The following RNF38 variants were observed in gnomAD, a reference collection of about 807,000 sequenced individuals.
RNF38 encodes E3 ubiquitin-protein ligase RNF38.
A neutral mutation model predicts 67.2 loss-of-function variants in RNF38; 15 were observed. That is an observed-to-expected ratio of 0.22 (90% confidence interval 0.15 to 0.34). RNF38 has a LOEUF of 0.34. RNF38 is among the 10% of genes least tolerant of loss of function. The pLI, the probability that RNF38 is intolerant of heterozygous loss-of-function variation, is 1.00. For synonymous variants in RNF38, 220 were observed against 218.8 expected (o/e 1.01, Z -0.05); for missense variants, 524 against 639.9 (o/e 0.82, Z 1.95).
chr9:36,446,178 A>C (rs1266745108), intron 1 of RNF38, among the ~76,000 whole-genome samples: 1 of 152,182 alleles, frequency 6.6e-6, no homozygotes, highest in Non-Finnish European at 1.5e-5. Context: ...AGCGTTAACT[A>C]TGCCAGCAGC....
At chr9:36,385,036 G>A (rs961987736) in intron 2 of RNF38, among the ~76,000 whole-genome samples, 2 of 152,088 alleles carry the variant, frequency 1.3e-5, no homozygotes, top group Admixed American at 1.3e-4. Context: ...CGAAGTTGCC[G>A]AAGAACTCAA....
Position 36,339,650 on chromosome 9 carries a change from G to T in RNF38, c.*102C>A. ...CAAAGAAAGGTCCATTGACCCTTTT[G>T]GTAAAGGGAGGGCTGGAAGCCACAC... On this transcript the variant is annotated 3_prime_UTR_variant, in exon 12 of 12. Coordinates refer to ENST00000259605, the MANE Select transcript of RNF38 (RefSeq NM_022781.5). 2.3e-6 allele frequency: 2 copies of T among 868,332 alleles called. No individual in the cohort carries two copies. The highest frequency in any genetic ancestry group is 3.8e-6 in the Non-Finnish European group (2 of 526,844). The allele number at this position is 868,332 out of a possible 1,614,324, so 53.8% of individuals were successfully genotyped here. A position where few individuals can be genotyped will look rare whatever the true frequency, so the allele number is the denominator to read the frequency against.
At chr9:36,462,340 G>A (rs116081918) in intron 1 of RNF38, among the ~76,000 whole-genome samples, 1,688 of 152,194 alleles carry the variant, frequency 0.011, 28 homozygotes, top group African/African-American at 0.038. Context: ...CTGCTCTACC[G>A]TAACAGCCTC....
chr9:36,453,470 C>T (rs983678001), intron 1 of RNF38, among the ~76,000 whole-genome samples: 2 of 151,682 alleles, frequency 1.3e-5, no homozygotes, highest in Non-Finnish European at 2.9e-5. Context: ...GCAACCTCCA[C>T]CTCCTGGGTT....
At chr9:36,480,504 T>A (rs2134449494) in intron 1 of RNF38, among the ~76,000 whole-genome samples, 1 of 151,558 alleles carries the variant, frequency 6.6e-6, no homozygotes, top group South Asian at 2.1e-4. Context: ...ATTGTCCTAC[T>A]ACCTAACTGC....
In RNF38 at chr9:36,366,841, C is replaced by T. The variant is rs770013997; in HGVS notation, c.570+2878G>A. 2.6e-5 allele frequency among the ~76,000 whole-genome samples: 4 copies of T among 152,090 alleles called. 1 individual carries two copies. Among genetic ancestry groups the T allele is most frequent in the African/African-American group, 7.2e-5 (3 of 41,390 alleles). ...TGTACCGAGTTAACTTTGTTTATTGCTCGCTGTTCTTGAAAAATTATTGGG... is the reference window on the plus strand; with the variant it reads ...TGTACCGAGTTAACTTTGTTTATTGTTCGCTGTTCTTGAAAAATTATTGGG... On this transcript the variant is annotated intron_variant, in intron 4 of 11. Transcript: ENST00000259605.
rs71336457 is a variant in RNF38, at chr9:36,482,353, C to CTTT, written n.241+4952_241+4954dup. 8.1e-4 allele frequency among the ~76,000 whole-genome samples: 87 copies of CTTT among 107,666 alleles called. 1 individual carries two copies. The South Asian group carries it at 0.019, about 24-fold the overall frequency. The allele number at this position is 107,666 out of a possible 152,430, so 70.6% of individuals were successfully genotyped here. On this transcript the variant is annotated intron_variant and non_coding_transcript_variant, in intron 1 of 3. Transcript: ENST00000488058. The stretch of plus-strand genomic sequence containing the variant: ...CAGGTGTGAGCCACTGTGCCCAGAC[C>CTTT]TTTTTTTTTTTTTTTTTGAGACAGA...
chr9:36,473,815 T>A (rs903540740), intron 1 of RNF38, among the ~76,000 whole-genome samples: 3 of 149,102 alleles, frequency 2.0e-5, no homozygotes, highest in Non-Finnish European at 4.4e-5. Flanking sequence ...TGAAACCCCG[T>A]CTCTACTAAA....
intron 1 of RNF38, among the ~76,000 whole-genome samples, chr9:36,447,278 A>G (rs372531164): frequency 6.6e-6 from 1 of 152,284 alleles, no homozygotes; most frequent in African/African-American, 2.4e-5. Context: ...ACCTATCACA[A>G]TACATCACAC....
chr9:36,486,837 T>C (rs918362242), intron 1 of RNF38, among the ~76,000 whole-genome samples: 1 of 152,208 alleles, frequency 6.6e-6, no homozygotes, highest in Non-Finnish European at 1.5e-5. Context: ...CAAAAAGGGC[T>C]GGGTGGGTGT....
chr9:36,404,387 T>C (rs1038148797), upstream of RNF38, among the ~76,000 whole-genome samples: 15 of 152,222 alleles, frequency 9.9e-5, no homozygotes, highest in African/African-American at 3.4e-4. Flanking sequence ...AGTGTCTACA[T>C]TATCTCTGGC....
At chr9:36,409,165 T>G (rs1471843746) in intron 2 of RNF38, among the ~76,000 whole-genome samples, 1 of 145,386 alleles carries the variant, frequency 6.9e-6, no homozygotes, top group African/African-American at 2.6e-5. Context: ...ATAGCCTGGG[T>G]GACAGAGTGA....
chr9:36,351,031 A>G, intron 9 of RNF38, 84 bp downstream of exon 9: 2 of 948,104 alleles, frequency 2.1e-6, no homozygotes, highest in South Asian at 2.9e-5. Flanking sequence ...AAAAGATTGG[A>G]CACCTGTGGT....
chr9:36,387,945 C>A (rs1017372440), intron 2 of RNF38, among the ~76,000 whole-genome samples: 4 of 151,682 alleles, frequency 2.6e-5, no homozygotes, highest in Non-Finnish European at 5.9e-5. Context: ...AGACAAGCTG[C>A]AGTATAGTCA....
Position 36,427,457 on chromosome 9 carries a change from C to T in RNF38, n.242-2774G>A, listed in dbSNP as rs965113219. Among the ~76,000 whole-genome samples, 8 of 151,972 alleles carry T rather than the reference C, an allele frequency of 5.3e-5. No individual in the cohort carries two copies. In the East Asian group the frequency reaches 7.7e-4, roughly 15 times the overall value. The stretch of plus-strand genomic sequence containing the variant: ...ACCTAACCCCAAATGTAAGGGTATT[C>T]GGAGGTGGGGTGTTTGGAAGGTGAT... On this transcript the variant is annotated intron_variant and non_coding_transcript_variant, in intron 1 of 3. Transcript: ENST00000488058.
At chr9:36,420,531 C>CAAAAAAAAAAAAAAAAAAA (rs1447823341) in intron 2 of RNF38, among the ~76,000 whole-genome samples, 1 of 28,974 alleles carries the variant, frequency 3.5e-5, no homozygotes, top group South Asian at 1.1e-3. Context: ...GACTCTGTCT[C>CAAAAAAAAAAAAAAAAAAA]CAAAAAAAAA....
chr9:36,393,834 C>A (rs1000993122), intron 1 of RNF38, among the ~76,000 whole-genome samples: 5 of 152,146 alleles, frequency 3.3e-5, no homozygotes, highest in South Asian at 4.2e-4. Flanking sequence ...AGAAGGCATG[C>A]GAAAGGTACC....
chr9:36,366,924 T>C (rs1048931254), intron 4 of RNF38, among the ~76,000 whole-genome samples: 3 of 152,218 alleles, frequency 2.0e-5, no homozygotes, highest in Non-Finnish European at 4.4e-5. Flanking sequence ...CCCTGCTTTC[T>C]AGGCCCCTGA....
At chr9:36,460,289 A>AC (rs1453000003) in intron 1 of RNF38, among the ~76,000 whole-genome samples, 2 of 152,192 alleles carry the variant, frequency 1.3e-5, no homozygotes, top group Non-Finnish European at 2.9e-5. Flanking sequence ...CGCATAAGTG[A>AC]CCACAGGAAG....
Sources: allele counts gnomAD v4.1 joint callset (sites outside exome capture counted in the v4.1 genomes callset), GRCh38; gene constraint gnomAD v4.1.1; transcripts MANE v1.5; gene names NCBI Gene and HGNC (gene_info 2026-07-23, HGNC 2026-07-21).